DOCK7: variants seen among roughly 807,000 people sequenced by gnomAD.
DOCK7 encodes the protein dedicator of cytokinesis protein 7.
In DOCK7, 138 loss-of-function variants were observed where a neutral mutation model predicts 271.0. That is an observed-to-expected ratio of 0.51 (90% CI 0.44 to 0.59). The LOEUF (loss-of-function observed/expected upper bound fraction) is 0.59. DOCK7 is among the 20% of genes least tolerant of loss of function. DOCK7 has a pLI of 0.00. For missense variants in DOCK7, 2,066 were observed against 2,592.4 expected (o/e 0.80, Z 4.41); for synonymous variants, 823 against 876.1 (o/e 0.94, Z 1.07).
intron 14 of DOCK7, chr1:62,602,135 G>T: frequency 1.4e-6 from 1 of 694,330 alleles, no homozygotes; most frequent in Non-Finnish European, 2.4e-6. Flanking sequence ...CTTAACTTTT[G>T]GGACCATAAT....
At position 62,601,065 on chromosome 1, in the gene DOCK7, T is replaced by A. The variant is rs1326233450; in HGVS notation, c.1683-14441A>T. On this transcript the variant is annotated intron_variant, in intron 14 of 49. Coordinates refer to ENST00000635253, the MANE Select transcript of DOCK7 (RefSeq NM_001367561.1). ...TTCAGTATCATTTTAAAAAACAGAT[T>A]TATATTCTTTTATCAGCTCAGAAGG... 4 of 1,430,720 alleles carry A rather than the reference T, an allele frequency of 2.8e-6. No individual in the cohort carries two copies. In the Admixed American group the frequency reaches 6.7e-5, roughly 24 times the overall value. The allele number at this position is 1,430,720 out of a possible 1,614,324, so 88.6% of individuals were successfully genotyped here.
At chr1:62,500,174 G>A (rs529015043) in intron 37 of DOCK7, among the ~76,000 whole-genome samples, 1 of 152,046 alleles carries the variant, frequency 6.6e-6, no homozygotes, top group African/African-American at 2.4e-5. Flanking sequence ...ATAGACAAAT[G>A]ATGTCATAAA....
intron 11 of DOCK7, among the ~76,000 whole-genome samples, chr1:62,627,188 CA>C (rs1486663844): frequency 6.6e-6 from 1 of 152,112 alleles, no homozygotes; most frequent in Non-Finnish European, 1.5e-5. Flanking sequence ...AACAGACTTT[CA>C]TGATAAAAAC....
At chr1:62,664,603 T>C (rs1332701547) in intron 1 of DOCK7, among the ~76,000 whole-genome samples, 1 of 152,194 alleles carries the variant, frequency 6.6e-6, no homozygotes, top group African/African-American at 2.4e-5. Flanking sequence ...ATGAAACTTT[T>C]AGTTAATAAC....
At chr1:62,601,245 C>T (rs1650076928) in intron 14 of DOCK7, 1 of 1,264,702 alleles carries the variant, frequency 7.9e-7, no homozygotes, top group African/African-American at 1.5e-5. Context: ...TTATCAAATT[C>T]CCTATTCTTA....
intron 7 of DOCK7, 24 bp from the exon 8 acceptor site, chr1:62,636,627 T>C (rs764678965): frequency 5.8e-5 from 90 of 1,543,182 alleles, no homozygotes; most frequent in Non-Finnish European, 7.7e-5. Flanking sequence ...AAGGATAAAA[T>C]AATTTAAAGA....
chr1:62,674,018 C>T (rs1660286145), intron 1 of DOCK7, among the ~76,000 whole-genome samples: 1 of 151,900 alleles, frequency 6.6e-6, no homozygotes, highest in Non-Finnish European at 1.5e-5. Context: ...ATAAAACTGT[C>T]TTTACTCACA....
intron 48 of DOCK7, among the ~76,000 whole-genome samples, chr1:62,468,355 T>G (rs1645738262): frequency 8.6e-6 from 1 of 115,926 alleles, no homozygotes; most frequent in Non-Finnish European, 1.7e-5. Flanking sequence ...AGCGAGACTC[T>G]GTCTCAAAAA....
At chr1:62,460,760 G>A (rs970735569) in intron 48 of DOCK7, among the ~76,000 whole-genome samples, 5 of 152,036 alleles carry the variant, frequency 3.3e-5, no homozygotes, top group African/African-American at 4.8e-5. Context: ...GGGCTCAAGG[G>A]ATCCTTCCAC....
At chr1:62,604,344 G>T in intron 14 of DOCK7, 1 of 1,379,832 alleles carries the variant, frequency 7.2e-7, no homozygotes. Flanking sequence ...TCCCAAATAA[G>T]CGTTTTCTCT....
chr1:62,605,250 G>A (rs1252230724), intron 14 of DOCK7: 1 of 159,546 alleles, frequency 6.3e-6, no homozygotes, highest in Non-Finnish European at 1.4e-5. Flanking sequence ...TAATTGTACA[G>A]TTCTTAAATG....
intron 18 of DOCK7, among the ~76,000 whole-genome samples, chr1:62,562,845 C>T (rs1646372910): frequency 6.6e-6 from 1 of 152,072 alleles, no homozygotes; most frequent in Admixed American, 6.6e-5. Flanking sequence ...CTCTCTCTGG[C>T]CAAAGAAATA....
chr1:62,641,628 C>T, intron 7 of DOCK7: 1 of 463,924 alleles, frequency 2.2e-6, no homozygotes, highest in Admixed American at 2.3e-5. Flanking sequence ...ATGATCACCA[C>T]CTTCCAGCCC....
At chr1:62,544,800 A>G in intron 23 of DOCK7, 147 bp downstream of exon 23, 1 of 565,014 alleles carries the variant, frequency 1.8e-6, no homozygotes, top group South Asian at 2.5e-5. Context: ...CATGCATAGT[A>G]GTTGGAAAAT....
Position 62,535,651 on chromosome 1 carries a change from G to C in DOCK7, c.3472-19C>G. 6.2e-7 allele frequency: 1 copy of C among 1,609,824 alleles called. No individual in the cohort carries two copies. Among genetic ancestry groups the C allele is most frequent in the Non-Finnish European group, 8.5e-7 (1 of 1,177,876 alleles). On this transcript the variant is annotated intron_variant, in intron 28 of 49. Transcript: ENST00000635253. ...CAGAACTCTGTTGGAAAGTGAGGCA[G>C]AACAAGACTATAACAGCAGTGCAAC... is the stretch of plus-strand genomic sequence containing the variant.
chr1:62,538,061 CCTTGTAAGCAATGCATAAGTAAGAGAA>C lies in DOCK7; in HGVS notation c.3301-27_3301-1del. Reference sequence around the variant, plus strand: ...GGTAATGAGTAAAGCTTTGAAGACACCTTGTAAGCAATGCATAAGTAAGAGAACACCAATTGAATCTATTATTTCTTT... The same window carrying C: ...GGTAATGAGTAAAGCTTTGAAGACACCACCAATTGAATCTATTATTTCTTT... On this transcript the variant is annotated splice_acceptor_variant and splice_polypyrimidine_tract_variant and intron_variant, in intron 27 of 49. Transcript: ENST00000635253. LOFTEE classifies it high-confidence loss of function. The C allele has an allele frequency of 6.2e-7, 1 of 1,612,028 alleles. No homozygotes were observed. Among genetic ancestry groups the C allele is most frequent in the Non-Finnish European group, 8.5e-7 (1 of 1,178,894 alleles).
chr1:62,573,046 T>C (rs577051624), intron 18 of DOCK7, among the ~76,000 whole-genome samples: 73 of 152,340 alleles, frequency 4.8e-4, no homozygotes, highest in Middle Eastern at 6.8e-3. Context: ...TGTGGCTATG[T>C]TGTTCAGTAA....
chr1:62,643,557 G>A (rs971146984), intron 7 of DOCK7, among the ~76,000 whole-genome samples: 1 of 151,898 alleles, frequency 6.6e-6, no homozygotes, highest in African/African-American at 2.4e-5. Context: ...CAGTTTCTTG[G>A]TTTTGTATTC....
chr1:62,529,526 G>A, intron 29 of DOCK7, 80 bp from the exon 30 acceptor site: 1 of 1,108,992 alleles, frequency 9.0e-7, no homozygotes, highest in Non-Finnish European at 1.2e-6. Flanking sequence ...CAAACAGTAA[G>A]TCATGGTATT....
Sources: gnomAD v4.1 joint callset for allele counts (sites outside exome capture counted in the v4.1 genomes callset) on GRCh38, gnomAD v4.1.1 for gene constraint, MANE v1.5 for transcripts, NCBI Gene and HGNC (gene_info 2026-07-23, HGNC 2026-07-21) for gene names.